GET3: variants seen among roughly 807,000 people sequenced by gnomAD.
The protein encoded by GET3 is ATPase GET3.
In GET3, 15 loss-of-function variants were observed where a neutral mutation model predicts 32.4. The ratio of observed to expected loss-of-function variants is 0.46; its 90% CI spans 0.31 to 0.71. The LOEUF (loss-of-function observed/expected upper bound fraction) is 0.71. Ranked by LOEUF, GET3 falls within the 30% of genes least tolerant of loss-of-function variation. The pLI is 0.05. For synonymous variants in GET3, 198 were observed against 185.6 expected, an observed-to-expected ratio of 1.07 and a Z score of -0.54; for missense variants, 333 against 459.0, an observed-to-expected ratio of 0.73 and a Z score of 2.51.
chr19:12,742,736 G>A (rs1245327886), intron 2 of GET3, among the ~76,000 whole-genome samples: 3 of 151,992 alleles, frequency 2.0e-5, no homozygotes, highest in Admixed American at 6.6e-5. Context: ...TAGTAGAGAC[G>A]GGGTTTCAAC....
Position 12,737,503 on chromosome 19 carries a change from A to G in GET3, c.-3A>G. 1 of 1,538,150 alleles carries G rather than the reference A, an allele frequency of 6.5e-7. No homozygotes were observed. The highest frequency in any genetic ancestry group is 8.7e-7 in the Non-Finnish European group (1 of 1,144,098). The stretch of plus-strand genomic sequence containing the variant: ...CCGCTGGATCACGTGAGCCAGTTCC[A>G]AAATGGCGGCAGGGGTGGCCGGGTG... On this transcript the variant is annotated 5_prime_UTR_variant, in exon 1 of 7. Transcript: ENST00000357332.
At position 12,747,981 on chromosome 19, in the gene GET3, C is replaced by T. The variant is rs146391674; in HGVS notation, c.924C>T (p.Asp308=). The change falls in exon 7 of 7, where the codon GAC becomes GAT. Residue 308 remains aspartate, a synonymous_variant. Transcript: ENST00000357332. The surrounding 1 kb of genome is among the most constrained non-coding windows in gnomAD (Gnocchi z 4.0). ...IQAKYLDQME[D]LYEDFHIVKL... ...CTCTGCCCTGGCTGCAGATGGAGGA[C>T]CTGTATGAAGACTTCCACATCGTGA... 6.5e-4 allele frequency: 1,048 copies of T among 1,601,476 alleles called. 14 individuals are homozygous for T. The highest frequency in any genetic ancestry group is 6.2e-4 in the South Asian group (56 of 89,790).
At position 12,747,930 on chromosome 19, in the gene GET3, C is replaced by T. The variant is rs1242711893; in HGVS notation, c.916-43C>T. ...TGATCCACACTCTGTCTCTGCCTTC[C>T]TGCCCCCTGACCACTGCCTTCTACC... On this transcript the variant is annotated intron_variant, in intron 6 of 6. Coordinates refer to ENST00000357332, the MANE Select transcript of GET3 (RefSeq NM_004317.4). This position sits in a 1 kb window ranked among gnomAD's most constrained non-coding sequence, Gnocchi z 4.0. The T allele has an allele frequency of 1.9e-6, 3 of 1,540,992 alleles. No homozygotes were observed. Among genetic ancestry groups the T allele is most frequent in the Non-Finnish European group, 2.6e-6 (3 of 1,137,576 alleles).
rs776516303 is a variant in GET3, at chr19:12,748,125, G to A, written c.*21G>A. The A allele has an allele frequency of 4.1e-5, 64 of 1,558,854 alleles. No homozygotes were observed. The highest frequency in any genetic ancestry group is 2.8e-4 in the East Asian group (12 of 43,544). ...AGTAGCACAGCTGCCAGCCCCAACC[G>A]CTGCCATTTCACACTCACCCTCCAC... On this transcript the variant is annotated 3_prime_UTR_variant, in exon 7 of 7. Coordinates refer to ENST00000357332, the MANE Select transcript of GET3 (RefSeq NM_004317.4).
intron 2 of GET3, among the ~76,000 whole-genome samples, chr19:12,739,425 C>T (rs1967626307): frequency 6.6e-6 from 1 of 152,156 alleles, no homozygotes; most frequent in Non-Finnish European, 1.5e-5. Flanking sequence ...CTCGGCCTCC[C>T]ACAGTGCTGG....
At chr19:12,739,903 G>A (rs2145685869) in intron 2 of GET3, among the ~76,000 whole-genome samples, 1 of 152,134 alleles carries the variant, frequency 6.6e-6, no homozygotes, top group South Asian at 2.1e-4. Flanking sequence ...CCAATTAGCT[G>A]GGCATGGTGG....
intron 2 of GET3, among the ~76,000 whole-genome samples, chr19:12,741,946 A>T (rs914672984): frequency 2.0e-5 from 3 of 151,944 alleles, no homozygotes; most frequent in Non-Finnish European, 4.4e-5. Flanking sequence ...AGATGGGAAT[A>T]CTCTTCAGGA....
Position 12,745,304 on chromosome 19 carries a change from C to T in GET3, c.310-73C>T, listed in dbSNP as rs183918601. ...CTGTGCCCGGGTAGGAAGGCTCCCCCTGGCCCTGTGCCCAGGTGGGAAGGC... is the reference window on the plus strand; with the variant it reads ...CTGTGCCCGGGTAGGAAGGCTCCCCTTGGCCCTGTGCCCAGGTGGGAAGGC... On this transcript the variant is annotated intron_variant, in intron 2 of 6. Coordinates refer to ENST00000357332, the MANE Select transcript of GET3 (RefSeq NM_004317.4). This position sits in a 1 kb window ranked among gnomAD's most constrained non-coding sequence, Gnocchi z 5.0. The T allele has an allele frequency of 9.6e-6, 15 of 1,565,094 alleles. No individual in the cohort carries two copies. The East Asian group carries it at 3.4e-4, about 35-fold the overall frequency.
At chr19:12,746,387 C>T (rs1162285537) in intron 4 of GET3, among the ~76,000 whole-genome samples, 1 of 152,202 alleles carries the variant, frequency 6.6e-6, no homozygotes, top group African/African-American at 2.4e-5. Flanking sequence ...CCCACTTCGA[C>T]CTCCCAGAGT....
At chr19:12,737,242 G>T (rs1043363729), upstream of GET3, 1 of 357,666 alleles carries the variant, frequency 2.8e-6, no homozygotes. Flanking sequence ...CAAGACCTAG[G>T]GCCCAATCAG....
At position 12,738,646 on chromosome 19, in the gene GET3, C is replaced by T. The variant is rs771419276; in HGVS notation, c.297C>T (p.Asn99=). The T allele has an allele frequency of 8.1e-6, 13 of 1,614,078 alleles. No homozygotes were observed. In the South Asian group the frequency reaches 1.3e-4, roughly 16 times the overall value. The change falls in exon 2 of 7, where the codon AAC becomes AAT. Residue 99 remains asparagine (N), a synonymous_variant. Transcript: ENST00000357332. ...CTACCAAGGTCAAAGGCTATGACAA[C>T]CTCTTTGCTATGGTGAGTGGAACAG... ...KVPTKVKGYD[N]LFAMEIDPSL... is the part of the protein sequence containing the mutation.
In GET3 at chr19:12,745,700, G is replaced by A; in HGVS notation, c.550G>A (p.Glu184Lys). The change falls in exon 4 of 7, where the codon GAG becomes AAG. Residue 184 changes from glutamate to lysine, a missense_variant. This residue lies in a region of GET3 where 230 missense variants were observed against 389.2 expected (regional missense o/e 0.59). Coordinates refer to ENST00000357332, the MANE Select transcript of GET3 (RefSeq NM_004317.4). This position sits in a 1 kb window ranked among gnomAD's most constrained non-coding sequence, Gnocchi z 5.0. ...GCTGCTCAACTTCCCCACCATCGTG[G>A]AGCGGGGCCTGGGCCGGCTTATGCA... ...LRLLNFPTIV[E>K]RGLGRLMQIK... 6.2e-7 allele frequency: 1 copy of A among 1,612,934 alleles called. No homozygotes were observed. Among genetic ancestry groups the A allele is most frequent in the South Asian group, 1.1e-5 (1 of 91,082 alleles).
chr19:12,742,605 G>A (rs367910371), intron 2 of GET3, among the ~76,000 whole-genome samples: 2 of 152,116 alleles, frequency 1.3e-5, no homozygotes, highest in East Asian at 1.9e-4. Context: ...TAGTAGAGAC[G>A]GGGTTTCACC....
In GET3 at chr19:12,747,685, A is replaced by T; in HGVS notation, c.915+93A>T. ...TCCACCATCTGGCCCTCTGCCCTCT[A>T]GCCTCCTGCCCTTTGCCCCCACATT... On this transcript the variant is annotated intron_variant, in intron 6 of 6. Transcript: ENST00000357332. This position sits in a 1 kb window ranked among gnomAD's most constrained non-coding sequence, Gnocchi z 4.0. 7.0e-7 allele frequency: 1 copy of T among 1,431,484 alleles called. No individual in the cohort carries two copies. Among genetic ancestry groups the T allele is most frequent in the Non-Finnish European group, 9.5e-7 (1 of 1,057,028 alleles). The allele number at this position is 1,431,484 out of a possible 1,614,324, so 88.7% of individuals were successfully genotyped here.
At chr19:12,742,380 C>T (rs1049784262) in intron 2 of GET3, among the ~76,000 whole-genome samples, 4 of 150,858 alleles carry the variant, frequency 2.7e-5, no homozygotes, top group South Asian at 2.1e-4. Context: ...TACAGGCGCC[C>T]GCCACCACAT....
chr19:12,747,416 G>T lies in GET3; in HGVS notation c.739G>T (p.Val247Leu). 6.2e-7 allele frequency: 1 copy of T among 1,614,040 alleles called. No individual in the cohort carries two copies. Among genetic ancestry groups the T allele is most frequent in the African/African-American group, 1.3e-5 (1 of 74,954 alleles). ...GTAGGAGCAGACAACTTTCATCTGC[G>T]TATGCATTGCTGAGTTCCTGTCCCT... ...KDPEQTTFIC[V>L]CIAEFLSLYE... The change falls in exon 6 of 7, where the codon GTA becomes TTA. Residue 247 changes from valine (V) to leucine (L), a missense_variant. Physicochemically the swap from Val to Leu is conservative, Grantham distance 32 (BLOSUM62 1). Around this residue, in one of 3 missense-constraint regions of GET3, gnomAD observed 230 missense variants for 389.2 expected, o/e 0.59. Coordinates refer to ENST00000357332, the MANE Select transcript of GET3 (RefSeq NM_004317.4). This position sits in a 1 kb window ranked among gnomAD's most constrained non-coding sequence, Gnocchi z 4.0.
At chr19:12,737,361 G>C (rs1967588217), upstream of GET3, 3 of 1,167,094 alleles carry the variant, frequency 2.6e-6, no homozygotes, top group Non-Finnish European at 3.4e-6. Context: ...AAAGAATAGT[G>C]AAAATATAAT....
rs369985574 is a variant in GET3, at chr19:12,747,616, G to A, written c.915+24G>A. The A allele has an allele frequency of 1.4e-4, 223 of 1,607,136 alleles. No individual in the cohort carries two copies. The highest frequency in any genetic ancestry group is 1.2e-4 in the Admixed American group (7 of 59,332). On this transcript the variant is annotated intron_variant, in intron 6 of 6. Transcript: ENST00000357332. This position sits in a 1 kb window ranked among gnomAD's most constrained non-coding sequence, Gnocchi z 4.0. The stretch of plus-strand genomic sequence containing the variant: ...AGGTGTGCCCACCCACCCAGCACTG[G>A]CTCAGCAGAGGCACCTCTGCCCCTT...
chr19:12,745,688 C>T lies in GET3; in HGVS notation c.538C>T (p.Pro180Ser). The T allele has an allele frequency of 6.2e-7, 1 of 1,613,068 alleles. No homozygotes were observed. The highest frequency in any genetic ancestry group is 1.1e-5 in the South Asian group (1 of 91,080). Residue 180 changes from proline to serine, a missense_variant, in exon 4 of 7, where the codon CCC becomes TCC. By Grantham distance (74) the Pro-to-Ser change is moderately conservative. Transcript: ENST00000357332. The surrounding 1 kb of genome is among the most constrained non-coding windows in gnomAD (Gnocchi z 5.0). ...CCACACCCTGAGGCTGCTCAACTTC[C>T]CCACCATCGTGGAGCGGGGCCTGGG... ...TGHTLRLLNF[P>S]TIVERGLGRL...
Sources: gnomAD v4.1 joint callset for allele counts (sites outside exome capture counted in the v4.1 genomes callset) on GRCh38, gnomAD v4.1.1 for gene constraint, gnomAD v4.1.1 regional missense constraint, Gnocchi (gnomAD v3.1) non-coding constraint, MANE v1.5 for transcripts, NCBI Gene and HGNC (gene_info 2026-07-23, HGNC 2026-07-21) for gene names.